ACOT11: variants seen among roughly 807,000 people sequenced by gnomAD.
The protein encoded by ACOT11 is acyl-coenzyme A thioesterase 11.
A neutral mutation model predicts 77.5 loss-of-function variants in ACOT11; 69 were observed. The ratio of observed to expected loss-of-function variants is 0.89; its 90% CI spans 0.73 to 1.09. The LOEUF (loss-of-function observed/expected upper bound fraction) is 1.09, where lower values mean the gene tolerates loss of function less well. ACOT11 is among the 50% of genes least tolerant of loss of function. ACOT11 has a pLI of 0.00. For synonymous variants in ACOT11, 279 were observed against 313.0 expected (o/e 0.89, Z 1.15); for missense variants, 766 against 813.7 (o/e 0.94, Z 0.71).
At chr1:54,619,878 G>C (rs1343034502) in intron 15 of ACOT11, 1 of 1,613,940 alleles carries the variant, frequency 6.2e-7, no homozygotes, top group African/African-American at 1.3e-5. Flanking sequence ...CAGGGCAGCT[G>C]TCATGGCTTT....
chr1:54,594,893 G>A (rs1654844148), intron 6 of ACOT11, among the ~76,000 whole-genome samples: 1 of 152,234 alleles, frequency 6.6e-6, no homozygotes, highest in Non-Finnish European at 1.5e-5. Flanking sequence ...CAGCTCCCAG[G>A]AACCATGAAG....
intron 1 of ACOT11, among the ~76,000 whole-genome samples, chr1:54,581,770 C>CCT (rs1370712230): frequency 6.6e-6 from 1 of 152,180 alleles, no homozygotes. Flanking sequence ...CAGGGCCTCT[C>CCT]CTCTCCCTAT....
Position 54,597,299 on chromosome 1 carries a change from G to A in ACOT11, c.648G>A (p.Glu216=), listed in dbSNP as rs1466187807. The A allele has an allele frequency of 1.2e-6, 2 of 1,613,758 alleles. No individual in the cohort carries two copies. Among genetic ancestry groups the A allele is most frequent in the East Asian group, 4.5e-5 (2 of 44,868 alleles). The change falls in exon 7 of 16, where the codon GAG becomes GAA. Residue 216 remains glutamate (E), a synonymous_variant. Coordinates refer to ENST00000343744, the MANE Select transcript of ACOT11 (RefSeq NM_147161.4). ...SRDCSRMVPA[E]KTRVESVELV... ...ACTGTAGCCGCATGGTGCCGGCTGA[G>A]AAGACCCGTGTGGAGAGTGTGGAGC... is the stretch of plus-strand genomic sequence containing the variant.
intron 6 of ACOT11, among the ~76,000 whole-genome samples, chr1:54,597,038 C>A (rs1240110797): frequency 6.6e-6 from 1 of 152,232 alleles, no homozygotes; most frequent in African/African-American, 2.4e-5. Flanking sequence ...AGGCTCAGAC[C>A]TGCTGTCTTG....
At chr1:54,551,380 G>C (rs1469483999) in intron 1 of ACOT11, among the ~76,000 whole-genome samples, 2 of 152,218 alleles carry the variant, frequency 1.3e-5, no homozygotes, top group Non-Finnish European at 2.9e-5. Flanking sequence ...ACTGAATGAA[G>C]TGGTCAGCCT....
rs879263052 is a variant in ACOT11 at position 54,628,602 on chromosome 1, C to G, written c.1630-2132C>G. ...AGAGCAAGACCCCATCGCCCCCCCC[C>G]CCCAAAAAAGGAAAAAAGAAACCCA... is the stretch of plus-strand genomic sequence containing the variant. On this transcript the variant is annotated intron_variant, in intron 15 of 16. Coordinates refer to the ACOT11 transcript ENST00000371316. Among the ~76,000 whole-genome samples the G allele has an allele frequency of 5.2e-4, 65 of 123,842 alleles. 19 individuals carry two copies. The highest frequency in any genetic ancestry group is 2.2e-3 in the Admixed American group (27 of 12,024). The allele number at this position is 123,842 out of a possible 152,430, so 81.2% of individuals were successfully genotyped here.
chr1:54,589,280 G>A (rs886545650), intron 3 of ACOT11, among the ~76,000 whole-genome samples: 1 of 147,748 alleles, frequency 6.8e-6, no homozygotes, highest in Non-Finnish European at 1.5e-5. Flanking sequence ...GCCTCCCAAA[G>A]TGATGGGATT....
intron 13 of ACOT11, among the ~76,000 whole-genome samples, 186 bp from the exon 14 acceptor site, chr1:54,606,948 G>A (rs759951181): frequency 5.3e-5 from 8 of 152,228 alleles, no homozygotes; most frequent in Non-Finnish European, 7.3e-5. Flanking sequence ...GTGTGCACAC[G>A]CACATGTGTG....
downstream of ACOT11, chr1:54,610,669 C>T: frequency 6.8e-7 from 1 of 1,462,130 alleles, no homozygotes; most frequent in Non-Finnish European, 9.0e-7. Context: ...AGCCTCATAG[C>T]ACCCTGCCAA....
intron 8 of ACOT11, 145 bp from the exon 9 acceptor site, chr1:54,601,123 GT>G: frequency 1.3e-6 from 1 of 768,304 alleles, no homozygotes; most frequent in East Asian, 3.6e-5. Context: ...ATACATGTGT[GT>G]GTATGTGTGT....
chr1:54,600,791 A>G (rs1643951645), intron 8 of ACOT11, among the ~76,000 whole-genome samples: 1 of 152,250 alleles, frequency 6.6e-6, no homozygotes, highest in Non-Finnish European at 1.5e-5. Context: ...CACATAATGA[A>G]CATTTTCTAA....
Position 54,597,306 on chromosome 1 carries a change from C to T in ACOT11, c.655C>T (p.Arg219Cys), listed in dbSNP as rs760940427. The T allele has an allele frequency of 6.2e-6, 10 of 1,613,850 alleles. No homozygotes were observed. Among genetic ancestry groups the T allele is most frequent in the Admixed American group, 1.7e-5 (1 of 60,020 alleles). ...CCGCATGGTGCCGGCTGAGAAGACCCGTGTGGAGAGTGTGGAGCTGGTCCT... is the reference window on the plus strand; with the variant it reads ...CCGCATGGTGCCGGCTGAGAAGACCTGTGTGGAGAGTGTGGAGCTGGTCCT... ...CSRMVPAEKT[R>C]VESVELVLPP... The change falls in exon 7 of 16, where the codon CGT becomes TGT. Residue 219 changes from arginine to cysteine, a missense_variant. Transcript: ENST00000343744.
At position 54,609,398 on chromosome 1, in the gene ACOT11, G is replaced by T. The variant is rs1159144672; in HGVS notation, c.*286G>T. The stretch of plus-strand genomic sequence containing the variant: ...CACAGAGGCATAGTCGCCCCCAGCT[G>T]GGTTGTGCTCCACTGTGACGGTGGC... On this transcript the variant is annotated 3_prime_UTR_variant, in exon 16 of 16. Coordinates refer to ENST00000343744, the MANE Select transcript of ACOT11 (RefSeq NM_147161.4). The T allele has an allele frequency of 1.9e-6, 3 of 1,614,000 alleles. No individual in the cohort carries two copies. The highest frequency in any genetic ancestry group is 2.5e-6 in the Non-Finnish European group (3 of 1,180,042).
chr1:54,595,885 G>C (rs990731729), intron 6 of ACOT11, among the ~76,000 whole-genome samples: 1 of 152,202 alleles, frequency 6.6e-6, no homozygotes, highest in African/African-American at 2.4e-5. Context: ...TCTCCCCGGA[G>C]TGGGGAGAGA....
intron 1 of ACOT11, among the ~76,000 whole-genome samples, chr1:54,576,753 T>C (rs1029984354): frequency 6.6e-6 from 1 of 152,158 alleles, no homozygotes; most frequent in Non-Finnish European, 1.5e-5. Context: ...TGAGGATGGC[T>C]TCAGTGTGAG....
intron 1 of ACOT11, among the ~76,000 whole-genome samples, chr1:54,580,567 G>A (rs560835536): frequency 1.5e-4 from 23 of 152,054 alleles, no homozygotes; most frequent in Admixed American, 1.5e-3. Flanking sequence ...TCTCCTTTTT[G>A]CTGTTCCTTA....
intron 16 of ACOT11, among the ~76,000 whole-genome samples, chr1:54,633,773 G>T (rs764768023): frequency 3.9e-5 from 6 of 152,206 alleles, no homozygotes; most frequent in Non-Finnish European, 7.3e-5. Context: ...TCCTACCTAT[G>T]CCAGGAGTAA....
At chr1:54,597,196 A>G in intron 6 of ACOT11, 63 bp from the exon 7 acceptor site, 2 of 1,594,098 alleles carry the variant, frequency 1.3e-6, no homozygotes, top group Non-Finnish European at 1.7e-6. Context: ...GCCTGTGGGG[A>G]GGGGCTGCCC....
rs768427852 is a variant in ACOT11 at position 54,619,990 on chromosome 1, A to T, written c.1630-10744A>T. 2.5e-6 allele frequency: 4 copies of T among 1,613,436 alleles called. No homozygotes were observed. The African/African-American group carries it at 5.3e-5, about 22-fold the overall frequency. ...TCCAGCATGTCGGCATCAGGGCTGC[A>T]GGCCTCCAGCTCACAGCCTGGAAGG... On this transcript the variant is annotated intron_variant, in intron 15 of 16. Transcript: ENST00000371316.
Sources: allele counts gnomAD v4.1 joint callset (sites outside exome capture counted in the v4.1 genomes callset), GRCh38; gene constraint gnomAD v4.1.1; transcripts MANE v1.5; gene names NCBI Gene and HGNC (gene_info 2026-07-23, HGNC 2026-07-21).